CDK3: variants seen among roughly 807,000 people sequenced by gnomAD.
The protein encoded by CDK3 is cyclin-dependent kinase 3.
In CDK3, 24 loss-of-function variants were observed where a neutral mutation model predicts 30.2. That is an observed-to-expected ratio of 0.79 (90% CI 0.57 to 1.12). CDK3 has a LOEUF of 1.12. Ranked by LOEUF, CDK3 falls within the 50% of genes most tolerant of loss-of-function variation. The probability of loss-of-function intolerance (pLI) is 0.00; values close to 1 mark genes in which losing one functional copy is unlikely to be tolerated. For synonymous variants in CDK3, 158 were observed against 154.2 expected, an observed-to-expected ratio of 1.02 and a Z score of -0.18; for missense variants, 345 against 376.0, an observed-to-expected ratio of 0.92 and a Z score of 0.68.
chr17:76,003,923 T>C (rs1189443548), intron 7 of CDK3, among the ~76,000 whole-genome samples: 1 of 151,972 alleles, frequency 6.6e-6, no homozygotes, highest in Non-Finnish European at 1.5e-5. Context: ...TTGTATTTTT[T>C]TTTTTAGTAG....
At position 76,001,180 on chromosome 17, in the gene CDK3, G is replaced by T. The variant is rs868173164; in HGVS notation, c.-15+213G>T. On this transcript the variant is annotated intron_variant, in intron 1 of 7. Transcript: ENST00000448471. The surrounding 1 kb of genome is among the most constrained non-coding windows in gnomAD (Gnocchi z 6.2). ...TCCTGGCTGAACTGGGCTGGGTGAA[G>T]GGGGCCCCCTGACCCCCTTGGGGTC... 22 of 1,357,072 alleles carry T rather than the reference G, an allele frequency of 1.6e-5. No individual in the cohort carries two copies. The Middle Eastern group carries it at 8.5e-4, about 52-fold the overall frequency. 84.1% of individuals were successfully genotyped at this position (1,357,072 alleles called of 1,614,324 possible). A position where few individuals can be genotyped will look rare whatever the true frequency, so the allele number is the denominator to read the frequency against.
chr17:76,002,361 G>T lies in CDK3; in HGVS notation c.429G>T (p.Leu143=). The change falls in exon 5 of 8, where the codon CTG becomes CTT. Residue 143 remains leucine, a synonymous_variant. Coordinates refer to ENST00000448471, the MANE Select transcript of CDK3 (RefSeq NM_001258.4). The surrounding 1 kb of genome is among the most constrained non-coding windows in gnomAD (Gnocchi z 4.3). ...LLINELGAIK[L]ADFGLARAFG... Reference sequence around the variant, plus strand: ...TCAATGAGTTGGGTGCCATCAAGCTGGCTGACTTCGGCCTGGCTCGCGCCT... The same window carrying T: ...TCAATGAGTTGGGTGCCATCAAGCTTGCTGACTTCGGCCTGGCTCGCGCCT... 6.2e-7 allele frequency: 1 copy of T among 1,612,848 alleles called. No homozygotes were observed.
At position 76,002,358 on chromosome 17, in the gene CDK3, G is replaced by A; in HGVS notation, c.426G>A (p.Lys142=). The change falls in exon 5 of 8, where the codon AAG becomes AAA. Residue 142 remains lysine (K), a synonymous_variant. Coordinates refer to ENST00000448471, the MANE Select transcript of CDK3 (RefSeq NM_001258.4). The surrounding 1 kb of genome is among the most constrained non-coding windows in gnomAD (Gnocchi z 4.3). ...TCATCAATGAGTTGGGTGCCATCAA[G>A]CTGGCTGACTTCGGCCTGGCTCGCG... ...NLLINELGAI[K]LADFGLARAF... 1 of 1,612,944 alleles carries A rather than the reference G, an allele frequency of 6.2e-7. No homozygotes were observed. The highest frequency in any genetic ancestry group is 8.5e-7 in the Non-Finnish European group (1 of 1,180,004).
chr17:76,002,707 A>G lies in CDK3; in HGVS notation c.588+95A>G, dbSNP rs768206262. 1 of 727,406 alleles carries G rather than the reference A, an allele frequency of 1.4e-6. No homozygotes were observed. The highest frequency in any genetic ancestry group is 2.5e-6 in the Non-Finnish European group (1 of 394,588). 45.1% of individuals were successfully genotyped at this position (727,406 alleles called of 1,614,324 possible). A position where few individuals can be genotyped will look rare whatever the true frequency, so the allele number is the denominator to read the frequency against. On this transcript the variant is annotated intron_variant, in intron 6 of 7. Transcript: ENST00000448471. The surrounding 1 kb of genome is among the most constrained non-coding windows in gnomAD (Gnocchi z 4.3). ...CTGATGCTCCCATTCGAGGCGGATT[A>G]AAGAGTGTTTGGGGCTGGACATGGC... is the stretch of plus-strand genomic sequence containing the variant.
At chr17:76,003,446 C>G (rs757078682) in intron 7 of CDK3, 48 bp downstream of exon 7, 1 of 1,504,312 alleles carries the variant, frequency 6.6e-7, no homozygotes, top group Admixed American at 1.7e-5. Context: ...AGTTTCCCCT[C>G]ATCAGCCAGC....
At position 76,001,012 on chromosome 17, in the gene CDK3, A is replaced by G; in HGVS notation, c.-15+45A>G. On this transcript the variant is annotated intron_variant, in intron 1 of 7. Coordinates refer to ENST00000448471, the MANE Select transcript of CDK3 (RefSeq NM_001258.4). This position sits in a 1 kb window ranked among gnomAD's most constrained non-coding sequence, Gnocchi z 6.2. The stretch of plus-strand genomic sequence containing the variant: ...CCCTCTAAGGCCCGGCACAAGTGAG[A>G]GGCCTGGGGGTCCATGTTGGGCTGG... 9.0e-7 allele frequency: 1 copy of G among 1,108,716 alleles called. No individual in the cohort carries two copies. The highest frequency in any genetic ancestry group is 1.1e-6 in the Non-Finnish European group (1 of 901,988). The allele number at this position is 1,108,716 out of a possible 1,614,324, so 68.7% of individuals were successfully genotyped here.
chr17:76,002,244 C>T lies in CDK3; in HGVS notation c.316-4C>T. 1 of 1,612,232 alleles carries T rather than the reference C, an allele frequency of 6.2e-7. No individual in the cohort carries two copies. Among genetic ancestry groups the T allele is most frequent in the Non-Finnish European group, 8.5e-7 (1 of 1,179,880 alleles). On this transcript the variant is annotated splice_polypyrimidine_tract_variant and splice_region_variant and intron_variant, in intron 4 of 7. Transcript: ENST00000448471. This position sits in a 1 kb window ranked among gnomAD's most constrained non-coding sequence, Gnocchi z 4.3. ...CTGGCTGCACCTCGCGCTCGTTTCT[C>T]CAGAGCTACCTCTTCCAGCTGCTGC...
In CDK3 at chr17:76,002,373, C is replaced by T; in HGVS notation, c.441C>T (p.Gly147=). 1 of 1,612,580 alleles carries T rather than the reference C, an allele frequency of 6.2e-7. No homozygotes were observed. Among genetic ancestry groups the T allele is most frequent in the Non-Finnish European group, 8.5e-7 (1 of 1,179,976 alleles). ...GTGCCATCAAGCTGGCTGACTTCGG[C>T]CTGGCTCGCGCCTTCGGGGTGCCCC... The part of the protein sequence containing the change: ...ELGAIKLADF[G]LARAFGVPLR... Residue 147 remains glycine, a synonymous_variant, in exon 5 of 8, where the codon GGC becomes GGT. Coordinates refer to ENST00000448471, the MANE Select transcript of CDK3 (RefSeq NM_001258.4). The surrounding 1 kb of genome is among the most constrained non-coding windows in gnomAD (Gnocchi z 4.3).
At position 76,000,988 on chromosome 17, in the gene CDK3, C is replaced by G. The variant is rs1213467073; in HGVS notation, c.-15+21C>G. On this transcript the variant is annotated intron_variant, in intron 1 of 7. Coordinates refer to ENST00000448471, the MANE Select transcript of CDK3 (RefSeq NM_001258.4). This position sits in a 1 kb window ranked among gnomAD's most constrained non-coding sequence, Gnocchi z 5.9. ...CCCAGGTGGGAAAGGGTGGTCTTGC[C>G]CTCTAAGGCCCGGCACAAGTGAGAG... The G allele has an allele frequency of 1.1e-5, 12 of 1,082,620 alleles. No individual in the cohort carries two copies. Among genetic ancestry groups the G allele is most frequent in the Non-Finnish European group, 1.4e-5 (12 of 887,142 alleles). The allele number at this position is 1,082,620 out of a possible 1,614,324, so 67.1% of individuals were successfully genotyped here.
Position 76,001,206 on chromosome 17 carries a change from CGGGCT to C in CDK3, c.-14-197_-14-193del. 7.1e-7 allele frequency: 1 copy of C among 1,401,248 alleles called. No individual in the cohort carries two copies. Among genetic ancestry groups the C allele is most frequent in the South Asian group, 1.4e-5 (1 of 69,024 alleles). The allele number at this position is 1,401,248 out of a possible 1,614,324, so 86.8% of individuals were successfully genotyped here. A position where few individuals can be genotyped will look rare whatever the true frequency, so the allele number is the denominator to read the frequency against. The stretch of plus-strand genomic sequence containing the variant: ...GGGGCCCCCTGACCCCCTTGGGGTC[CGGGCT>C]GGGCTGGGTGAGGGGCGGTTTCCGA... On this transcript the variant is annotated intron_variant, in intron 1 of 7. Coordinates refer to ENST00000448471, the MANE Select transcript of CDK3 (RefSeq NM_001258.4). This position sits in a 1 kb window ranked among gnomAD's most constrained non-coding sequence, Gnocchi z 6.2.
In CDK3 at chr17:76,001,324, G is replaced by A. The variant is rs538485965; in HGVS notation, c.-14-88G>A. The stretch of plus-strand genomic sequence containing the variant: ...GAGCTGGGCAGTCTGGGCTGGGCTG[G>A]GCTGGGCAGGGCGCCACATGGAAGC... On this transcript the variant is annotated intron_variant, in intron 1 of 7. Transcript: ENST00000448471. This position sits in a 1 kb window ranked among gnomAD's most constrained non-coding sequence, Gnocchi z 6.2. The A allele has an allele frequency of 3.4e-5, 53 of 1,574,336 alleles. No homozygotes were observed. Among genetic ancestry groups the A allele is most frequent in the Non-Finnish European group, 4.6e-5 (53 of 1,162,992 alleles).
At position 76,002,214 on chromosome 17, in the gene CDK3, C is replaced by T. The variant is rs764558017; in HGVS notation, c.316-34C>T. 1.2e-5 allele frequency: 19 copies of T among 1,612,722 alleles called. 2 individuals are homozygous for T. In the Middle Eastern group the frequency reaches 1.6e-3, roughly 140 times the overall value. ...CATCCCTGTCCACGCAGCACCTCCG[C>T]TCAGCTGGCTGCACCTCGCGCTCGT... On this transcript the variant is annotated intron_variant, in intron 4 of 7. Transcript: ENST00000448471. This position sits in a 1 kb window ranked among gnomAD's most constrained non-coding sequence, Gnocchi z 4.3.
chr17:76,000,997 C>T lies in CDK3; in HGVS notation c.-15+30C>T. On this transcript the variant is annotated intron_variant, in intron 1 of 7. Transcript: ENST00000448471. The surrounding 1 kb of genome is among the most constrained non-coding windows in gnomAD (Gnocchi z 5.9). ...GAAAGGGTGGTCTTGCCCTCTAAGGCCCGGCACAAGTGAGAGGCCTGGGGG... is the reference window on the plus strand; with the variant it reads ...GAAAGGGTGGTCTTGCCCTCTAAGGTCCGGCACAAGTGAGAGGCCTGGGGG... The T allele has an allele frequency of 9.1e-7, 1 of 1,095,744 alleles. No individual in the cohort carries two copies. Among genetic ancestry groups the T allele is most frequent in the Non-Finnish European group, 1.1e-6 (1 of 894,298 alleles). 67.9% of individuals were successfully genotyped at this position (1,095,744 alleles called of 1,614,324 possible).
rs1479541794 is a variant in CDK3, at chr17:76,001,871, C to A, written c.117-3C>A. ...CCCACGGCTGTGCCCTTGTTTCTTG[C>A]AGGGAGATGGAGGGGGTCCCAAGCA... On this transcript the variant is annotated splice_region_variant and splice_polypyrimidine_tract_variant and intron_variant, in intron 2 of 7. Transcript: ENST00000448471. This position sits in a 1 kb window ranked among gnomAD's most constrained non-coding sequence, Gnocchi z 6.2. The A allele has an allele frequency of 5.0e-6, 8 of 1,612,376 alleles. No homozygotes were observed. The highest frequency in any genetic ancestry group is 6.8e-6 in the Non-Finnish European group (8 of 1,178,690).
intron 6 of CDK3, 193 bp from the exon 7 acceptor site, chr17:76,003,002 T>C: frequency 1.6e-6 from 1 of 635,944 alleles, no homozygotes; most frequent in South Asian, 1.9e-5. Flanking sequence ...GTCTCTATTT[T>C]TTAAAAAAAG....
Position 76,005,412 on chromosome 17 carries a change from T to A in CDK3, c.907T>A (p.Phe303Ile). The A allele has an allele frequency of 6.2e-7, 1 of 1,613,408 alleles. No individual in the cohort carries two copies. The highest frequency in any genetic ancestry group is 8.5e-7 in the Non-Finnish European group (1 of 1,179,592). The change falls in exon 8 of 8, where the codon TTC becomes ATC. Residue 303 changes from phenylalanine (F) to isoleucine (I), a missense_variant. Physicochemically the swap from Phe to Ile is conservative, Grantham distance 21. Coordinates refer to ENST00000448471, the MANE Select transcript of CDK3 (RefSeq NM_001258.4). The surrounding 1 kb of genome is among the most constrained non-coding windows in gnomAD (Gnocchi z 4.7). ...TGCCCGCCAGTATGTGCTGCAGCGA[T>A]TCCGCCATTGAGAATGTCAAGGCCA... ...PAARQYVLQRFRH is the reference protein window; with the variant it reads ...PAARQYVLQRIRH
chr17:76,005,698 G>A lies in CDK3; in HGVS notation c.*275G>A. The A allele has an allele frequency of 5.3e-6, 2 of 374,330 alleles. No individual in the cohort carries two copies. Among genetic ancestry groups the A allele is most frequent in the South Asian group, 8.1e-5 (2 of 24,628 alleles). 23.2% of individuals were successfully genotyped at this position (374,330 alleles called of 1,614,324 possible). On this transcript the variant is annotated 3_prime_UTR_variant, in exon 8 of 8. Transcript: ENST00000448471. The surrounding 1 kb of genome is among the most constrained non-coding windows in gnomAD (Gnocchi z 4.7). ...GAACAAGTGCCAAGTTGAAGGCAGG[G>A]GGCCTGCCAGAGCTGGGTGTGGGTA... is the stretch of plus-strand genomic sequence containing the variant.
In CDK3 at chr17:76,002,139, C is replaced by G. The variant is rs746925159; in HGVS notation, c.312C>G (p.Ile104Met). 3.1e-6 allele frequency: 5 copies of G among 1,614,034 alleles called. No homozygotes were observed. Among genetic ancestry groups the G allele is most frequent in the South Asian group, 1.1e-5 (1 of 91,072 alleles). Residue 104 changes from isoleucine to methionine, a missense_variant, in exon 4 of 8, where the codon ATC (isoleucine) becomes ATG (methionine). Transcript: ENST00000448471. The surrounding 1 kb of genome is among the most constrained non-coding windows in gnomAD (Gnocchi z 4.3). Reference protein sequence around the residue: ...TPGSELPLHLIKSYLFQLLQG... With the variant: ...TPGSELPLHLMKSYLFQLLQG... ...GCTCAGAGCTCCCCCTGCACCTCAT[C>G]AAGGTAGGGAAGGAAGGGCAGGGAA...
At chr17:76,003,139 T>C in intron 6 of CDK3, 56 bp from the exon 7 acceptor site, 2 of 1,461,940 alleles carry the variant, frequency 1.4e-6, no homozygotes, top group Admixed American at 1.7e-5. Flanking sequence ...TATCTGGTAT[T>C]GGATTCTGTA....
Sources: allele counts gnomAD v4.1 joint callset (sites outside exome capture counted in the v4.1 genomes callset), GRCh38; gene constraint gnomAD v4.1.1; non-coding constraint Gnocchi (gnomAD v3.1); transcripts MANE v1.5; gene names NCBI Gene and HGNC (gene_info 2026-07-23, HGNC 2026-07-21).